LDLRAD4: variants seen among roughly 807,000 people sequenced by gnomAD.
LDLRAD4 encodes low-density lipoprotein receptor class A domain-containing protein 4.
A neutral mutation model predicts 17.0 loss-of-function variants in LDLRAD4; 5 were observed. The ratio of observed to expected loss-of-function variants is 0.29; its 90% confidence interval spans 0.15 to 0.62. The LOEUF is 0.62. LDLRAD4 is among the 20% of genes least tolerant of loss of function. The probability of loss-of-function intolerance (pLI) is 0.84; values close to 1 mark genes in which losing one functional copy is unlikely to be tolerated. For missense variants in LDLRAD4, 340 were observed against 424.7 expected, an observed-to-expected ratio of 0.80 and a Z score of 1.75; for synonymous variants, 168 against 171.8, an observed-to-expected ratio of 0.98 and a Z score of 0.17.
rs149790351 is a variant in LDLRAD4, at chr18:13,638,101, A to T, written c.337-5258A>T. The stretch of plus-strand genomic sequence containing the variant: ...GGAGAAACTAAATGAGCTGCCTGAG[A>T]TCACAGTTTGGAAAGTGGCAGAAGC... On this transcript the variant is annotated intron_variant, in intron 4 of 5. Transcript: ENST00000359446. 7.5e-3 allele frequency among the ~76,000 whole-genome samples: 1,135 copies of T among 152,018 alleles called. 59 individuals carry two copies. Among genetic ancestry groups the T allele is most frequent in the Admixed American group, 0.063 (955 of 15,246 alleles).
At chr18:13,289,134 C>T (rs1183132076) in intron 1 of LDLRAD4, among the ~76,000 whole-genome samples, 4 of 152,236 alleles carry the variant, frequency 2.6e-5, no homozygotes, top group Non-Finnish European at 5.9e-5. Flanking sequence ...TTCCACATGG[C>T]TGTAAAGGTC....
intron 3 of LDLRAD4, among the ~76,000 whole-genome samples, chr18:13,463,178 G>A (rs2092494057): frequency 6.6e-6 from 1 of 152,168 alleles, no homozygotes; most frequent in Non-Finnish European, 1.5e-5. Flanking sequence ...CTCTTCCTGG[G>A]TGTGGCCATG....
At chr18:13,378,536 G>A (rs935648231) in intron 1 of LDLRAD4, among the ~76,000 whole-genome samples, 4 of 152,160 alleles carry the variant, frequency 2.6e-5, no homozygotes, top group Admixed American at 2.0e-4. Context: ...AGAAGGAGAT[G>A]TAAAAACTTG....
rs537832644 is a variant in LDLRAD4 at position 13,312,034 on chromosome 18, A to G, written c.-383+33846A>G. Reference sequence around the variant, plus strand: ...GTATTTTTAGTAGAGACGGGGTTTCACCGTGTTAGCCAGGATGGTTTTGAT... The same window carrying G: ...GTATTTTTAGTAGAGACGGGGTTTCGCCGTGTTAGCCAGGATGGTTTTGAT... On this transcript the variant is annotated intron_variant, in intron 1 of 5. Transcript: ENST00000359446. 2.0e-5 allele frequency among the ~76,000 whole-genome samples: 3 copies of G among 151,932 alleles called. No individual in the cohort carries two copies. The South Asian group carries it at 6.3e-4, about 32-fold the overall frequency.
At chr18:13,531,323 G>A (rs1466159314) in intron 3 of LDLRAD4, among the ~76,000 whole-genome samples, 1 of 152,012 alleles carries the variant, frequency 6.6e-6, no homozygotes, top group African/African-American at 2.4e-5. Flanking sequence ...CTTTGGCCGT[G>A]CGCACTGTGT....
At chr18:13,338,129 G>A (rs2082195923) in intron 1 of LDLRAD4, among the ~76,000 whole-genome samples, 1 of 152,150 alleles carries the variant, frequency 6.6e-6, no homozygotes, top group Non-Finnish European at 1.5e-5. Flanking sequence ...AGGGAGAAAT[G>A]TATATAGGTA....
chr18:13,554,336 C>A (rs759521324), intron 3 of LDLRAD4, among the ~76,000 whole-genome samples: 1 of 151,840 alleles, frequency 6.6e-6, no homozygotes, highest in Non-Finnish European at 1.5e-5. Context: ...AGGTAACTGA[C>A]TAGTTGTTTT....
intron 1 of LDLRAD4, among the ~76,000 whole-genome samples, chr18:13,226,180 C>CTTTTTTTTTTTTTTGTTTTTTTTTT (rs2041785610): frequency 1.9e-5 from 1 of 52,188 alleles, no homozygotes; most frequent in Non-Finnish European, 3.3e-5. Context: ...CCATGCCTTG[C>CTTTTTTTTTTTTTTGTTTTTTTTTT]TTTTTTTTTT....
intron 3 of LDLRAD4, among the ~76,000 whole-genome samples, chr18:13,557,897 C>G (rs1278477400): frequency 5.3e-5 from 8 of 152,174 alleles, no homozygotes. Flanking sequence ...GATGCCCAAT[C>G]TCATTATTTT....
intron 3 of LDLRAD4, among the ~76,000 whole-genome samples, chr18:13,455,824 T>G (rs150114459): frequency 1.3e-5 from 2 of 152,232 alleles, no homozygotes; most frequent in Non-Finnish European, 2.9e-5. Flanking sequence ...GGTGCTAAGA[T>G]AAATGGATGA....
intron 1 of LDLRAD4, among the ~76,000 whole-genome samples, chr18:13,220,428 C>T (rs923126751): frequency 6.6e-6 from 1 of 152,164 alleles, no homozygotes; most frequent in Non-Finnish European, 1.5e-5. Flanking sequence ...TTAGGGCTGT[C>T]TCTTGAATCC....
chr18:13,369,287 G>C (rs566311508), intron 1 of LDLRAD4, among the ~76,000 whole-genome samples: 15 of 152,206 alleles, frequency 9.9e-5, no homozygotes, highest in African/African-American at 3.1e-4. Flanking sequence ...GGAATGAAAC[G>C]CATTTTCTGC....
At chr18:13,288,757 C>CG (rs11380068) in intron 1 of LDLRAD4, among the ~76,000 whole-genome samples, 2,899 of 25,406 alleles carry the variant, frequency 0.11, 212 homozygotes, top group Admixed American at 0.17. Flanking sequence ...AGGTGAGTCA[C>CG]GGGCCACGGT....
chr18:13,599,130 G>A (rs541496726), intron 3 of LDLRAD4, among the ~76,000 whole-genome samples: 33 of 152,228 alleles, frequency 2.2e-4, no homozygotes, highest in Admixed American at 1.6e-3. Context: ...GGGACGTGCT[G>A]TGCTTGCCTT....
In LDLRAD4 at chr18:13,279,044, A is replaced by G. The variant is rs1241224222; in HGVS notation, c.-383+856A>G. Among the ~76,000 whole-genome samples, 3 of 152,204 alleles carry G rather than the reference A, an allele frequency of 2.0e-5. No individual in the cohort carries two copies. In the East Asian group the frequency reaches 5.8e-4, roughly 29 times the overall value. On this transcript the variant is annotated intron_variant, in intron 1 of 5. Coordinates refer to ENST00000359446, the Ensembl canonical transcript of LDLRAD4. ...TACAGTTGGGTGCAAAGCAGTATGC[A>G]TGGCAGAGCAAACCACGCCTGGGTT...
chr18:13,351,879 A>C (rs1470562780), intron 1 of LDLRAD4, among the ~76,000 whole-genome samples: 3 of 152,226 alleles, frequency 2.0e-5, no homozygotes, highest in South Asian at 4.1e-4. Context: ...ATACTGGCAA[A>C]CCGAATCCAG....
At chr18:13,588,377 A>G (rs766668636) in intron 3 of LDLRAD4, among the ~76,000 whole-genome samples, 8 of 152,336 alleles carry the variant, frequency 5.3e-5, no homozygotes, top group South Asian at 4.1e-4. Flanking sequence ...TACATAACAT[A>G]ACAAATTTGA....
chr18:13,596,672 C>G (rs2095099850), intron 3 of LDLRAD4, among the ~76,000 whole-genome samples: 1 of 152,086 alleles, frequency 6.6e-6, no homozygotes, highest in Non-Finnish European at 1.5e-5. Context: ...CATTTTATGT[C>G]TTTTAAATAA....
chr18:13,434,686 A>G (rs936545158), intron 2 of LDLRAD4, among the ~76,000 whole-genome samples: 1 of 152,224 alleles, frequency 6.6e-6, no homozygotes, highest in Non-Finnish European at 1.5e-5. Flanking sequence ...AAGTTTCCCA[A>G]ATAGCCCATT....
Sources: allele counts gnomAD v4.1 joint callset (sites outside exome capture counted in the v4.1 genomes callset), GRCh38; gene constraint gnomAD v4.1.1; transcripts MANE v1.5; gene names NCBI Gene and HGNC (gene_info 2026-07-23, HGNC 2026-07-21).